Variants in NET1 observed in about 807,000 individuals in gnomAD.
The protein encoded by NET1 is neuroepithelial cell transforming 1, also known as neuroepithelial cell-transforming gene 1 protein.
Under a neutral mutation model 61.1 loss-of-function variants are expected in NET1, and 42 were observed. The observed-to-expected ratio is 0.69, with a 90% CI of 0.54 to 0.89. The LOEUF is 0.89. Among genes scored for constraint, NET1 ranks in the 40% least tolerant of loss-of-function variants. NET1 has a pLI of 0.00. For missense variants in NET1, 654 were observed against 747.3 expected, an observed-to-expected ratio of 0.88 and a Z score of 1.46; for synonymous variants, 254 against 281.8, an observed-to-expected ratio of 0.90 and a Z score of 0.99.
chr10:5,431,896 G>A lies in NET1; in HGVS notation c.255+2667G>A, dbSNP rs780130605. Among the ~76,000 whole-genome samples, 4 of 152,094 alleles carry A rather than the reference G, an allele frequency of 2.6e-5. No individual in the cohort carries two copies. Among genetic ancestry groups the A allele is most frequent in the Non-Finnish European group, 4.4e-5 (3 of 67,994 alleles). On this transcript the variant is annotated intron_variant, in intron 3 of 11. Transcript: ENST00000355029. The surrounding 1 kb of genome is among the most constrained non-coding windows in gnomAD (Gnocchi z 4.9). Reference sequence around the variant, plus strand: ...TGGGATTACAGGCATGAGCCACCACGCCTGGCCTCATTTCAGTTATTCTTA... The same window carrying A: ...TGGGATTACAGGCATGAGCCACCACACCTGGCCTCATTTCAGTTATTCTTA...
In NET1 at chr10:5,423,771, A is replaced by T. The variant is rs1042660573; in HGVS notation, c.129-2884A>T. ...ATCATTTTTTTCCCCACAAGGATTT[A>T]AAATAGCTATTACATTTTGAGTCTG... On this transcript the variant is annotated intron_variant, in intron 1 of 11. Transcript: ENST00000355029. This position sits in a 1 kb window ranked among gnomAD's most constrained non-coding sequence, Gnocchi z 4.4. Among the ~76,000 whole-genome samples the T allele has an allele frequency of 7.2e-5, 11 of 152,214 alleles. No individual in the cohort carries two copies. The highest frequency in any genetic ancestry group is 1.6e-4 in the Non-Finnish European group (11 of 68,016).
intron 3 of NET1, among the ~76,000 whole-genome samples, chr10:5,438,432 A>G (rs1832472202): frequency 6.6e-6 from 1 of 152,166 alleles, no homozygotes; most frequent in Non-Finnish European, 1.5e-5. Context: ...ACAGAAATAA[A>G]AAGGGTAATA....
In NET1 at chr10:5,437,725, G is replaced by C. The variant is rs1168569515; in HGVS notation, c.255+8496G>C. ...AACCTGACAGGAAATCAATAAGGAAGTAGAAGACTTAAACAGCACTCAGAC... is the reference window on the plus strand; with the variant it reads ...AACCTGACAGGAAATCAATAAGGAACTAGAAGACTTAAACAGCACTCAGAC... On this transcript the variant is annotated intron_variant, in intron 3 of 11. Transcript: ENST00000355029. The surrounding 1 kb of genome is among the most constrained non-coding windows in gnomAD (Gnocchi z 4.3). Among the ~76,000 whole-genome samples, 1 of 151,710 alleles carries C rather than the reference G, an allele frequency of 6.6e-6. No homozygotes were observed. Among genetic ancestry groups the C allele is most frequent in the African/African-American group, 2.4e-5 (1 of 41,266 alleles).
rs1832201115 is a variant in NET1, at chr10:5,422,949, A to T, written c.129-3706A>T. On this transcript the variant is annotated intron_variant, in intron 1 of 11. Coordinates refer to ENST00000355029, the MANE Select transcript of NET1 (RefSeq NM_001047160.3). The surrounding 1 kb of genome is among the most constrained non-coding windows in gnomAD (Gnocchi z 4.1). ...CACACCCCAAATGTAAAAAGTGTTA[A>T]CTGCAGAGGATAAATTATACCATTC... is the stretch of plus-strand genomic sequence containing the variant. 6.6e-6 allele frequency among the ~76,000 whole-genome samples: 1 copy of T among 152,214 alleles called. No individual in the cohort carries two copies. Among genetic ancestry groups the T allele is most frequent in the South Asian group, 2.1e-4 (1 of 4,834 alleles).
In NET1 at chr10:5,416,273, C is replaced by T. The variant is rs1484029547; in HGVS notation, c.128+3453C>T. Among the ~76,000 whole-genome samples, 2 of 152,150 alleles carry T rather than the reference C, an allele frequency of 1.3e-5. No individual in the cohort carries two copies. The highest frequency in any genetic ancestry group is 2.4e-5 in the African/African-American group (1 of 41,408). On this transcript the variant is annotated intron_variant, in intron 1 of 11. Coordinates refer to ENST00000355029, the MANE Select transcript of NET1 (RefSeq NM_001047160.3). This position sits in a 1 kb window ranked among gnomAD's most constrained non-coding sequence, Gnocchi z 6.1. The stretch of plus-strand genomic sequence containing the variant: ...TATATGTAATAGCCCTATGCCATTA[C>T]CATGGTGTTTTGATTACCGTTGCTT...
rs1832723074 is a variant in NET1 at position 5,452,521 on chromosome 10, A to G, written c.527A>G (p.Gln176Arg). ...ESLTTREIRRQEAIYEMSRGE... is the reference protein window; with the variant it reads ...ESLTTREIRRREAIYEMSRGE... ...CTCACCACCAGGGAGATCAGACGGC[A>G]GGAGGTATGCTGGCACTCAGTGTAC... Residue 176 changes from glutamine (Q) to arginine (R), a missense_variant, in exon 5 of 12, where the codon CAG becomes CGG. Gln to Arg is a conservative substitution (Grantham distance 43). Transcript: ENST00000355029. This position sits in a 1 kb window ranked among gnomAD's most constrained non-coding sequence, Gnocchi z 4.0. 6.2e-7 allele frequency: 1 copy of G among 1,611,004 alleles called. No individual in the cohort carries two copies.
chr10:5,418,199 G>GT lies in NET1; in HGVS notation c.128+5387dup, dbSNP rs1220953919. On this transcript the variant is annotated intron_variant, in intron 1 of 11. Coordinates refer to ENST00000355029, the MANE Select transcript of NET1 (RefSeq NM_001047160.3). ...GTTAAGAAGTATTCCCTACTGTTTT[G>GT]TTTTTTTTGAAAGAGTTTGTGAAGA... is the stretch of plus-strand genomic sequence containing the variant. Among the ~76,000 whole-genome samples, 9 of 151,366 alleles carry GT rather than the reference G, an allele frequency of 5.9e-5. No homozygotes were observed. In the South Asian group the frequency reaches 8.4e-4, roughly 14 times the overall value.
rs975983104 is a variant in NET1, at chr10:5,435,688, T to C, written c.255+6459T>C. Among the ~76,000 whole-genome samples, 1 of 152,170 alleles carries C rather than the reference T, an allele frequency of 6.6e-6. No individual in the cohort carries two copies. Among genetic ancestry groups the C allele is most frequent in the Non-Finnish European group, 1.5e-5 (1 of 68,020 alleles). On this transcript the variant is annotated intron_variant, in intron 3 of 11. Transcript: ENST00000355029. The surrounding 1 kb of genome is among the most constrained non-coding windows in gnomAD (Gnocchi z 5.0). The stretch of plus-strand genomic sequence containing the variant: ...GATCATTGTATTACGTATTTGGACT[T>C]TGGATATCTTATATGAAGAATTTAA...
At position 5,451,925 on chromosome 10, in the gene NET1, T is replaced by C. The variant is rs770511591; in HGVS notation, c.351T>C (p.Gly117=). Residue 117 remains glycine (G), a synonymous_variant, in exon 4 of 12, where the codon GGT becomes GGC. Transcript: ENST00000355029. This position sits in a 1 kb window ranked among gnomAD's most constrained non-coding sequence, Gnocchi z 6.1. ...PVRNGAVRRF[G]QTIQSFTLRG... is the part of the protein sequence containing the mutation. The stretch of plus-strand genomic sequence containing the variant: ...GAAATGGAGCTGTCAGACGTTTTGG[T>C]CAAACAATACAGGTAAAAAGAGAGG... 5 of 1,613,382 alleles carry C rather than the reference T, an allele frequency of 3.1e-6. No homozygotes were observed. Among genetic ancestry groups the C allele is most frequent in the Non-Finnish European group, 4.2e-6 (5 of 1,179,494 alleles).
In NET1 at chr10:5,447,001, C is replaced by A; in HGVS notation, c.256-4829C>A. ...TGTATGTTCTTGATTTATGTGCAAG[C>A]TTGAAATGTGTTTAGGGACTGTGGT... On this transcript the variant is annotated intron_variant, in intron 3 of 11. Coordinates refer to ENST00000355029, the MANE Select transcript of NET1 (RefSeq NM_001047160.3). This position sits in a 1 kb window ranked among gnomAD's most constrained non-coding sequence, Gnocchi z 4.1. 1.8e-6 allele frequency: 1 copy of A among 565,014 alleles called. No individual in the cohort carries two copies. 35.0% of individuals were successfully genotyped at this position (565,014 alleles called of 1,614,324 possible).
chr10:5,423,417 T>C lies in NET1; in HGVS notation c.129-3238T>C, dbSNP rs941678560. ...CATTTTAATTATGATTTCTTTAGAC[T>C]AAACCTAATTTAGTGTAAATACATT... On this transcript the variant is annotated intron_variant, in intron 1 of 11. Transcript: ENST00000355029. The surrounding 1 kb of genome is among the most constrained non-coding windows in gnomAD (Gnocchi z 4.4). Among the ~76,000 whole-genome samples, 1 of 152,204 alleles carries C rather than the reference T, an allele frequency of 6.6e-6. No individual in the cohort carries two copies. Among genetic ancestry groups the C allele is most frequent in the Admixed American group, 6.5e-5 (1 of 15,288 alleles).
Position 5,455,607 on chromosome 10 carries a change from A to G in NET1, c.1198-480A>G, listed in dbSNP as rs956798065. 6.6e-6 allele frequency among the ~76,000 whole-genome samples: 1 copy of G among 152,260 alleles called. No individual in the cohort carries two copies. Among genetic ancestry groups the G allele is most frequent in the African/African-American group, 2.4e-5 (1 of 41,462 alleles). On this transcript the variant is annotated intron_variant, in intron 10 of 11. Coordinates refer to ENST00000355029, the MANE Select transcript of NET1 (RefSeq NM_001047160.3). The surrounding 1 kb of genome is among the most constrained non-coding windows in gnomAD (Gnocchi z 6.5). ...TCATGCATTTTCAAAAGCCCAATTT[A>G]TAAGTTGGAGTTTTGTTTAAAAAAA...
At chr10:5,429,126 T>C (rs1832308237) in intron 2 of NET1, 44 bp from the exon 3 acceptor site, 1 of 1,298,204 alleles carries the variant, frequency 7.7e-7, no homozygotes, top group African/African-American at 1.5e-5. Flanking sequence ...TGAGGTAATA[T>C]GCATTCCTTT....
rs11294583 is a variant in NET1 at position 5,437,668 on chromosome 10, ATT to A, written c.255+8449_255+8450del. 2.0e-5 allele frequency among the ~76,000 whole-genome samples: 3 copies of A among 149,892 alleles called. No homozygotes were observed. Among genetic ancestry groups the A allele is most frequent in the African/African-American group, 4.9e-5 (2 of 40,926 alleles). On this transcript the variant is annotated intron_variant, in intron 3 of 11. Coordinates refer to ENST00000355029, the MANE Select transcript of NET1 (RefSeq NM_001047160.3). This position sits in a 1 kb window ranked among gnomAD's most constrained non-coding sequence, Gnocchi z 4.3. ...TTTTCAACTCTGTATTTTCCCTAGT[ATT>A]TTTTTTTTTAACCAACTATTGGGAT...
In NET1 at chr10:5,420,806, G is replaced by A. The variant is rs1297790183; in HGVS notation, c.129-5849G>A. On this transcript the variant is annotated intron_variant, in intron 1 of 11. Transcript: ENST00000355029. The surrounding 1 kb of genome is among the most constrained non-coding windows in gnomAD (Gnocchi z 5.3). ...AGACGGGGTTTCACCATGTTGGCCA[G>A]GATGGTTTTGATCTCCTGACCTCGT... Among the ~76,000 whole-genome samples the A allele has an allele frequency of 6.6e-6, 1 of 152,072 alleles. No individual in the cohort carries two copies. Among genetic ancestry groups the A allele is most frequent in the Non-Finnish European group, 1.5e-5 (1 of 68,012 alleles).
At position 5,454,463 on chromosome 10, in the gene NET1, A is replaced by T; in HGVS notation, c.967A>T (p.Lys323Ter). Residue 323 changes from lysine (K) to a stop codon, truncating the protein, a stop_gained, in exon 9 of 12, where the codon AAA becomes TAA. Transcript: ENST00000355029. LOFTEE classifies it high-confidence loss of function. This position sits in a 1 kb window ranked among gnomAD's most constrained non-coding sequence, Gnocchi z 8.1. ...CCTAGTCAAATACCCTTTACTGTTAAAAGAAATTCTTAAACACACTCCAAA... is the reference window on the plus strand; with the variant it reads ...CCTAGTCAAATACCCTTTACTGTTATAAGAAATTCTTAAACACACTCCAAA... ...SRLVKYPLLL[K>*]EILKHTPKEH... 6.2e-7 allele frequency: 1 copy of T among 1,614,190 alleles called. No individual in the cohort carries two copies.
chr10:5,413,505 CAG>C (rs147334490), intron 1 of NET1, among the ~76,000 whole-genome samples: 37,747 of 151,916 alleles, frequency 0.25, 4,934 homozygotes, highest in Non-Finnish European at 0.29. Context: ...AAGCGAAGCT[CAG>C]GGGATAGCTA....
rs188407861 is a variant in NET1 at position 5,443,266 on chromosome 10, T to A, written c.256-8564T>A. ...TTAACAAGGTACCTTTGGACAAGTT[T>A]CTTAAACTTGGTCAGTCCTAGTTTC... On this transcript the variant is annotated intron_variant, in intron 3 of 11. Transcript: ENST00000355029. The surrounding 1 kb of genome is among the most constrained non-coding windows in gnomAD (Gnocchi z 4.8). Among the ~76,000 whole-genome samples, 11 of 152,360 alleles carry A rather than the reference T, an allele frequency of 7.2e-5. No individual in the cohort carries two copies. The highest frequency in any genetic ancestry group is 1.2e-4 in the Non-Finnish European group (8 of 68,034).
At chr10:5,432,170 T>C (rs1418086111) in intron 3 of NET1, among the ~76,000 whole-genome samples, 1 of 152,220 alleles carries the variant, frequency 6.6e-6, no homozygotes, top group Non-Finnish European at 1.5e-5. Context: ...TTCTACTGGA[T>C]TGGTCATTGT....
Sources: gnomAD v4.1 joint callset for allele counts (sites outside exome capture counted in the v4.1 genomes callset) on GRCh38, gnomAD v4.1.1 for gene constraint, Gnocchi (gnomAD v3.1) non-coding constraint, MANE v1.5 for transcripts, NCBI Gene and HGNC (gene_info 2026-07-23, HGNC 2026-07-21) for gene names.